FCHSD2: variants seen among roughly 807,000 people sequenced by gnomAD.
FCHSD2 encodes the protein FCH and double SH3 domains 2.
Under a neutral mutation model 108.1 loss-of-function variants are expected in FCHSD2, and 38 were observed. The observed-to-expected ratio is 0.35, with a 90% CI of 0.27 to 0.46. The LOEUF (loss-of-function observed/expected upper bound fraction) is 0.46. Ranked by LOEUF, FCHSD2 falls within the 20% of genes least tolerant of loss-of-function variation. The probability of loss-of-function intolerance (pLI) is 1.00; values close to 1 mark genes in which losing one functional copy is unlikely to be tolerated. For missense variants in FCHSD2, 751 were observed against 897.8 expected (o/e 0.84, Z 2.09); for synonymous variants, 279 against 314.7 (o/e 0.89, Z 1.20).
intron 13 of FCHSD2, among the ~76,000 whole-genome samples, 200 bp downstream of exon 13, chr11:72,867,665 A>T (rs1237349113): frequency 1.3e-5 from 2 of 151,930 alleles, no homozygotes; most frequent in South Asian, 2.1e-4. Flanking sequence ...ATCATACATT[A>T]AAAAAAACAC....
intron 3 of FCHSD2, among the ~76,000 whole-genome samples, chr11:73,027,792 G>A (rs929822434): frequency 4.6e-5 from 7 of 152,254 alleles, no homozygotes; most frequent in Non-Finnish European, 8.8e-5. Context: ...GCAGCCTTGG[G>A]ACACGGTGCC....
At chr11:73,133,938 T>G (rs1162422909) in intron 2 of FCHSD2, among the ~76,000 whole-genome samples, 1 of 152,088 alleles carries the variant, frequency 6.6e-6, no homozygotes, top group Non-Finnish European at 1.5e-5. Context: ...GTACCAAGTT[T>G]CTTTTAGGGG....
chr11:72,990,845 AAATAACT>A, intron 5 of FCHSD2, among the ~76,000 whole-genome samples: 1 of 152,352 alleles, frequency 6.6e-6, no homozygotes, highest in South Asian at 2.1e-4. Context: ...AGAAGGCAAG[AAATAACT>A]AAGACCAGAA....
intron 3 of FCHSD2, among the ~76,000 whole-genome samples, chr11:73,041,591 T>TTTTG (rs201405233): frequency 6.6e-6 from 1 of 152,100 alleles, no homozygotes; most frequent in Non-Finnish European, 1.5e-5. Flanking sequence ...TATGGAGTTT[T>TTTTG]TTTGTTTGTT....
chr11:72,889,240 C>T (rs1405644182), intron 11 of FCHSD2, among the ~76,000 whole-genome samples: 1 of 152,166 alleles, frequency 6.6e-6, no homozygotes, highest in Non-Finnish European at 1.5e-5. Flanking sequence ...GGATTACAGG[C>T]GTGAGCCACC....
chr11:72,984,915 C>T (rs559906939), intron 7 of FCHSD2, 147 bp downstream of exon 7: 1 of 512,012 alleles, frequency 2.0e-6, no homozygotes, highest in South Asian at 2.0e-5. Context: ...CCCCCATGAA[C>T]TGGGAGGGAA....
chr11:72,898,366 T>C (rs750915290), intron 10 of FCHSD2, among the ~76,000 whole-genome samples: 1 of 152,366 alleles, frequency 6.6e-6, no homozygotes, highest in East Asian at 1.9e-4. Context: ...ATTTGCTGAA[T>C]TCTCTTGCCT....
chr11:72,986,047 T>C (rs1384607641), intron 6 of FCHSD2, among the ~76,000 whole-genome samples: 2 of 152,134 alleles, frequency 1.3e-5, no homozygotes, highest in African/African-American at 4.8e-5. Context: ...GCAAAGCCAG[T>C]GTGAAGAGGA....
chr11:73,141,765 T>C, intron 1 of FCHSD2, 92 bp downstream of exon 1: 2 of 1,390,992 alleles, frequency 1.4e-6, no homozygotes, highest in Non-Finnish European at 1.9e-6. Context: ...TCACGGCCCC[T>C]TGCGGGAGGG....
chr11:73,010,646 G>A (rs1421576048), intron 4 of FCHSD2, among the ~76,000 whole-genome samples: 1 of 152,184 alleles, frequency 6.6e-6, no homozygotes, highest in Non-Finnish European at 1.5e-5. Context: ...GATTTCTTTG[G>A]CTATGAACAG....
chr11:73,086,254 C>G (rs1859813873), intron 2 of FCHSD2, among the ~76,000 whole-genome samples: 1 of 151,996 alleles, frequency 6.6e-6, no homozygotes, highest in South Asian at 2.1e-4. Context: ...ACTAAAAATA[C>G]AAAAATTAGC....
At chr11:73,002,456 G>T (rs1205163164) in intron 4 of FCHSD2, among the ~76,000 whole-genome samples, 1 of 152,086 alleles carries the variant, frequency 6.6e-6, no homozygotes, top group Non-Finnish European at 1.5e-5. Context: ...ACAACCAATG[G>T]AACTTGCAAT....
chr11:72,872,566 C>T (rs1854884743), intron 12 of FCHSD2, among the ~76,000 whole-genome samples: 1 of 151,924 alleles, frequency 6.6e-6, no homozygotes, highest in Admixed American at 6.6e-5. Flanking sequence ...TTATGACTAA[C>T]TTCTCTCACT....
chr11:72,946,495 T>C (rs928073518), intron 8 of FCHSD2, among the ~76,000 whole-genome samples: 16 of 152,070 alleles, frequency 1.1e-4, no homozygotes, highest in Admixed American at 1.0e-3. Flanking sequence ...TGTATACATA[T>C]GTAACTAACC....
chr11:72,928,658 T>C (rs973093274), intron 8 of FCHSD2, among the ~76,000 whole-genome samples: 4 of 152,210 alleles, frequency 2.6e-5, no homozygotes, highest in African/African-American at 7.2e-5. Context: ...TTGCCAATCA[T>C]GGATTGAATC....
At chr11:72,879,100 G>A (rs538376760) in intron 12 of FCHSD2, among the ~76,000 whole-genome samples, 16 of 152,010 alleles carry the variant, frequency 1.1e-4, no homozygotes, top group Admixed American at 1.0e-3. Context: ...GACAGAGTGA[G>A]ACTTTGTCTC....
chr11:73,068,517 G>A (rs1313304459), intron 3 of FCHSD2, among the ~76,000 whole-genome samples: 4 of 151,054 alleles, frequency 2.6e-5, no homozygotes, highest in East Asian at 1.9e-4. Flanking sequence ...AAAAAAAGTT[G>A]AGAAAAAAAA....
chr11:73,124,946 A>G (rs1860819527), intron 2 of FCHSD2, among the ~76,000 whole-genome samples: 1 of 152,242 alleles, frequency 6.6e-6, no homozygotes, highest in South Asian at 2.1e-4. Context: ...ATAGATGTGA[A>G]CAAGTCTATA....
At chr11:72,934,804 T>C (rs367905842) in intron 8 of FCHSD2, among the ~76,000 whole-genome samples, 30 of 152,176 alleles carry the variant, frequency 2.0e-4, no homozygotes, top group African/African-American at 3.6e-4. Flanking sequence ...CTTAAAAAAA[T>C]AGCCAAACTT....
Sources: allele counts gnomAD v4.1 joint callset (sites outside exome capture counted in the v4.1 genomes callset), GRCh38; gene constraint gnomAD v4.1.1; transcripts MANE v1.5; gene names NCBI Gene and HGNC (gene_info 2026-07-23, HGNC 2026-07-21).